The following SHANK2 variants were observed in gnomAD, a reference collection of about 807,000 sequenced individuals.
SHANK2 encodes the protein SH3 and multiple ankyrin repeat domains protein 2.
SHANK2 carries 43 observed loss-of-function variants against 133.7 expected under a neutral mutation model. That is an observed-to-expected ratio of 0.32 (90% CI 0.25 to 0.41). The LOEUF is 0.41. Among genes scored for constraint, SHANK2 ranks in the 10% least tolerant of loss-of-function variants. SHANK2 has a pLI of 1.00. For synonymous variants in SHANK2, 1,017 were observed against 952.8 expected (o/e 1.07, Z -1.24); for missense variants, 1,994 against 2,235.8 (o/e 0.89, Z 2.18).
intron 2 of SHANK2, among the ~76,000 whole-genome samples, chr11:71,194,436 G>A (rs188097876): frequency 1.3e-4 from 20 of 152,266 alleles, no homozygotes; most frequent in African/African-American, 4.8e-4. Context: ...AAACCCCAAC[G>A]CCACTCACCT....
chr11:71,071,127 G>T (rs1376823575), intron 9 of SHANK2, among the ~76,000 whole-genome samples: 1 of 152,166 alleles, frequency 6.6e-6, no homozygotes, highest in Non-Finnish European at 1.5e-5. Flanking sequence ...GCAATCTACT[G>T]GGGAAAATTA....
chr11:70,711,673 G>A (rs535537997), intron 14 of SHANK2, among the ~76,000 whole-genome samples: 1 of 152,236 alleles, frequency 6.6e-6, no homozygotes, highest in African/African-American at 2.4e-5. Context: ...ACCGCGAGGG[G>A]GACAGAAGGG....
chr11:70,501,946 A>C lies in SHANK2; in HGVS notation c.2279-15T>G, dbSNP rs1418758152. On this transcript the variant is annotated splice_polypyrimidine_tract_variant and intron_variant, in intron 19 of 25. Transcript: ENST00000601538. ...ACCTTTATCCACTAGTGAGAGGCCC[A>C]AAAATTCAAAACAAAACAATGTTAG... 10 of 1,556,686 alleles carry C rather than the reference A, an allele frequency of 6.4e-6. No homozygotes were observed. In the Admixed American group the frequency reaches 1.7e-4, roughly 27 times the overall value.
At chr11:71,186,980 T>C (rs2135565400) in intron 2 of SHANK2, among the ~76,000 whole-genome samples, 1 of 152,338 alleles carries the variant, frequency 6.6e-6, no homozygotes, top group Non-Finnish European at 1.5e-5. Flanking sequence ...CCGTAGCTGG[T>C]TTATTAACAC....
intron 2 of SHANK2, among the ~76,000 whole-genome samples, chr11:71,186,627 G>C (rs782689354): frequency 6.6e-6 from 1 of 152,216 alleles, no homozygotes; most frequent in Non-Finnish European, 1.5e-5. Context: ...AGAGACCTTC[G>C]GGTATGTAAG....
intron 9 of SHANK2, among the ~76,000 whole-genome samples, chr11:71,067,869 CCATCACCACCAT>C (rs1300006288): frequency 1.3e-5 from 2 of 151,830 alleles, no homozygotes; most frequent in Admixed American, 1.3e-4. Context: ...GTCACCATCA[CCATCACCACCAT>C]CATCACCACC....
At chr11:70,863,421 C>T (rs1211668066) in intron 11 of SHANK2, 5 of 457,802 alleles carry the variant, frequency 1.1e-5, no homozygotes, top group Admixed American at 7.0e-5. Context: ...ATCCTCTGCT[C>T]GGTGCCCTGG....
At chr11:70,570,581 G>C (rs1006261473) in intron 17 of SHANK2, 2 of 152,500 alleles carry the variant, frequency 1.3e-5, no homozygotes, top group Non-Finnish European at 2.9e-5. Context: ...TGCAGGCCCG[G>C]GTCTGCCTCC....
intron 14 of SHANK2, among the ~76,000 whole-genome samples, chr11:70,789,429 C>T (rs1251699012): frequency 6.6e-6 from 1 of 152,164 alleles, no homozygotes; most frequent in Admixed American, 6.5e-5. Flanking sequence ...AGACTTACCC[C>T]ACAAGAGTGG....
intron 7 of SHANK2, among the ~76,000 whole-genome samples, chr11:71,093,808 A>G (rs1455896594): frequency 2.6e-5 from 4 of 152,154 alleles, no homozygotes; most frequent in African/African-American, 9.7e-5. Context: ...TGCAGCTGAA[A>G]TGAAGTGAAA....
At chr11:70,938,458 A>T (rs895295710) in intron 10 of SHANK2, among the ~76,000 whole-genome samples, 20 of 152,212 alleles carry the variant, frequency 1.3e-4, no homozygotes, top group Admixed American at 1.3e-4. Flanking sequence ...TACTCAAGGG[A>T]TTACTGAAAC....
intron 15 of SHANK2, among the ~76,000 whole-genome samples, chr11:70,682,885 C>A (rs1406848668): frequency 6.6e-6 from 1 of 152,052 alleles, no homozygotes; most frequent in African/African-American, 2.4e-5. Context: ...CTGCTCTTCA[C>A]CGCACCACCG....
At chr11:70,523,100 T>C (rs1234033899) in intron 17 of SHANK2, among the ~76,000 whole-genome samples, 1 of 152,186 alleles carries the variant, frequency 6.6e-6, no homozygotes, top group African/African-American at 2.4e-5. Context: ...GGCAGCTGCT[T>C]GTCTCCTGCT....
intron 3 of SHANK2, among the ~76,000 whole-genome samples, chr11:71,132,376 G>T (rs1390591884): frequency 1.3e-5 from 2 of 152,170 alleles, no homozygotes; most frequent in African/African-American, 2.4e-5. Flanking sequence ...AGAGGGGACG[G>T]CTGCTCCTCA....
At chr11:70,578,939 A>G (rs192663472) in intron 17 of SHANK2, among the ~76,000 whole-genome samples, 1 of 152,224 alleles carries the variant, frequency 6.6e-6, no homozygotes, top group Admixed American at 6.5e-5. Flanking sequence ...CTTACAGCGC[A>G]TTCCCACACA....
chr11:70,488,023 C>T lies in SHANK2; in HGVS notation c.2573-303G>A, dbSNP rs1289473108. 5.9e-5 allele frequency among the ~76,000 whole-genome samples: 9 copies of T among 152,230 alleles called. No homozygotes were observed. The East Asian group carries it at 1.3e-3, about 23-fold the overall frequency. On this transcript the variant is annotated intron_variant, in intron 24 of 25. Coordinates refer to ENST00000601538, the MANE Select transcript of SHANK2 (RefSeq NM_012309.5). ...GAGGCCAGGGCAGGAGGGCCCCTGA[C>T]GCTGAGCCGTGTGCCAGTCTGCAGG...
At chr11:70,497,632 C>T (rs1423024438) in intron 21 of SHANK2, among the ~76,000 whole-genome samples, 1 of 152,210 alleles carries the variant, frequency 6.6e-6, no homozygotes, top group Admixed American at 6.5e-5. Flanking sequence ...ACCAGAGCCC[C>T]CCAGCCCATG....
At chr11:70,492,872 T>C (rs1336067924) in intron 21 of SHANK2, among the ~76,000 whole-genome samples, 2 of 137,032 alleles carry the variant, frequency 1.5e-5, no homozygotes, top group African/African-American at 5.3e-5. Flanking sequence ...CTTGGCTCAC[T>C]GCAACCTCCG....
chr11:71,223,347 C>T (rs1424241333), intron 2 of SHANK2, among the ~76,000 whole-genome samples: 4 of 152,228 alleles, frequency 2.6e-5, no homozygotes, highest in Non-Finnish European at 5.9e-5. Flanking sequence ...CAGCAACAGC[C>T]TTCCATATGC....
Sources: gnomAD v4.1 joint callset for allele counts (sites outside exome capture counted in the v4.1 genomes callset) on GRCh38, gnomAD v4.1.1 for gene constraint, MANE v1.5 for transcripts, NCBI Gene and HGNC (gene_info 2026-07-23, HGNC 2026-07-21) for gene names.